The following CTNND2 variants were observed in gnomAD, a reference collection of about 807,000 sequenced individuals.
CTNND2 encodes the protein catenin delta-2.
In CTNND2, 22 loss-of-function variants were observed where a neutral mutation model predicts 144.4. That is an observed-to-expected ratio of 0.15 (90% CI 0.11 to 0.22). The LOEUF (loss-of-function observed/expected upper bound fraction) is 0.22, where lower values mean the gene tolerates loss of function less well. Ranked by LOEUF, CTNND2 falls within the 10% of genes least tolerant of loss-of-function variation. CTNND2 has a pLI of 1.00. For synonymous variants in CTNND2, 751 were observed against 695.6 expected, an observed-to-expected ratio of 1.08 and a Z score of -1.25; for missense variants, 1,353 against 1,618.8, an observed-to-expected ratio of 0.84 and a Z score of 2.82.
chr5:11,611,531 G>A (rs998563538), intron 2 of CTNND2, among the ~76,000 whole-genome samples: 5 of 152,018 alleles, frequency 3.3e-5, no homozygotes, highest in African/African-American at 9.7e-5. Context: ...TAATCCTAGC[G>A]CTTTAGGAGG....
At chr5:11,225,977 A>T (rs988741322) in intron 10 of CTNND2, among the ~76,000 whole-genome samples, 3 of 152,252 alleles carry the variant, frequency 2.0e-5, no homozygotes, top group African/African-American at 7.2e-5. Flanking sequence ...AGACAGAGGC[A>T]GAGATTAGAG....
intron 2 of CTNND2, among the ~76,000 whole-genome samples, chr5:11,569,078 T>A (rs1430156375): frequency 6.6e-6 from 1 of 152,102 alleles, no homozygotes; most frequent in African/African-American, 2.4e-5. Flanking sequence ...GGGTAAAGGA[T>A]CACTAGTATG....
chr5:11,682,687 A>C (rs1784469345), intron 2 of CTNND2, among the ~76,000 whole-genome samples: 1 of 152,186 alleles, frequency 6.6e-6, no homozygotes, highest in Non-Finnish European at 1.5e-5. Flanking sequence ...TCTTAATTGC[A>C]ATACAGAAAA....
At chr5:11,571,111 T>C (rs1350894270) in intron 2 of CTNND2, among the ~76,000 whole-genome samples, 4 of 152,234 alleles carry the variant, frequency 2.6e-5, no homozygotes, top group Admixed American at 2.6e-4. Flanking sequence ...GGATGTAAAA[T>C]CATCTCTCTT....
chr5:11,218,770 C>T (rs1170391617), intron 10 of CTNND2, among the ~76,000 whole-genome samples: 1 of 152,150 alleles, frequency 6.6e-6, no homozygotes, highest in Admixed American at 6.5e-5. Flanking sequence ...AGAGGTGTTG[C>T]GAGCCAGGAG....
chr5:11,619,057 A>G (rs11954195), intron 2 of CTNND2, among the ~76,000 whole-genome samples: 2,568 of 152,288 alleles, frequency 0.017, 87 homozygotes, highest in African/African-American at 0.059. Flanking sequence ...TTTGTGGTGT[A>G]TGACTTTTAT....
chr5:11,752,318 G>T (rs1449798005), intron 1 of CTNND2, among the ~76,000 whole-genome samples: 1 of 151,694 alleles, frequency 6.6e-6, no homozygotes, highest in Non-Finnish European at 1.5e-5. Flanking sequence ...TATCATCAGG[G>T]TTTTTATAGT....
intron 3 of CTNND2, among the ~76,000 whole-genome samples, chr5:11,470,394 T>C (rs548695263): frequency 7.2e-5 from 11 of 152,158 alleles, no homozygotes; most frequent in Non-Finnish European, 1.6e-4. Flanking sequence ...GATTGTGCCA[T>C]TGCACTCCAG....
intron 3 of CTNND2, among the ~76,000 whole-genome samples, chr5:11,471,694 T>G (rs1394494327): frequency 6.6e-6 from 1 of 152,208 alleles, no homozygotes; most frequent in Non-Finnish European, 1.5e-5. Context: ...AGTGGTCCAT[T>G]AAATATCATG....
chr5:11,010,532 A>G (rs1013587496), intron 18 of CTNND2, among the ~76,000 whole-genome samples: 6 of 152,214 alleles, frequency 3.9e-5, no homozygotes, highest in Non-Finnish European at 8.8e-5. Flanking sequence ...AAACATGAGA[A>G]CATGACTTCA....
chr5:11,197,205 T>C (rs1280129978), intron 11 of CTNND2, among the ~76,000 whole-genome samples: 1 of 152,238 alleles, frequency 6.6e-6, no homozygotes, highest in African/African-American at 2.4e-5. Context: ...TCAGAAACCA[T>C]GAAGTTCAGC....
intron 11 of CTNND2, among the ~76,000 whole-genome samples, chr5:11,191,140 C>T (rs1182535962): frequency 3.3e-5 from 5 of 152,194 alleles, no homozygotes; most frequent in African/African-American, 1.2e-4. Context: ...GCCTGCAGTG[C>T]ACACAGCAGA....
intron 2 of CTNND2, among the ~76,000 whole-genome samples, chr5:11,641,297 C>T (rs1251138000): frequency 1.3e-5 from 2 of 151,980 alleles, no homozygotes; most frequent in Non-Finnish European, 2.9e-5. Context: ...GCAATGTGAG[C>T]GTTCCATGAA....
In CTNND2 at chr5:11,757,181, A is replaced by T. The variant is rs201668266; in HGVS notation, c.38-24909T>A. On this transcript the variant is annotated intron_variant, in intron 1 of 21. Coordinates refer to ENST00000304623, the MANE Select transcript of CTNND2 (RefSeq NM_001332.4). ...TGCACATACACACAAATCGATATACACACATATACACACACACACACATAA... is the reference window on the plus strand; with the variant it reads ...TGCACATACACACAAATCGATATACTCACATATACACACACACACACATAA... Among the ~76,000 whole-genome samples the T allele has an allele frequency of 1.9e-4, 29 of 151,526 alleles. No homozygotes were observed. The East Asian group carries it at 5.6e-3, about 29-fold the overall frequency.
At chr5:11,016,575 G>T (rs116373783) in intron 18 of CTNND2, among the ~76,000 whole-genome samples, 3,452 of 152,288 alleles carry the variant, frequency 0.023, 60 homozygotes, top group East Asian at 0.081. Flanking sequence ...GGGGGCTATA[G>T]ATGGGGATGG....
chr5:11,193,725 G>A (rs192867146), intron 11 of CTNND2, among the ~76,000 whole-genome samples: 101 of 152,168 alleles, frequency 6.6e-4, no homozygotes, highest in African/African-American at 1.4e-3. Flanking sequence ...TGGGGAGAGG[G>A]GCTATGCCTC....
intron 3 of CTNND2, among the ~76,000 whole-genome samples, chr5:11,433,789 G>A (rs114120791): frequency 0.015 from 2,279 of 152,188 alleles, 69 homozygotes; most frequent in African/African-American, 0.052. Context: ...CTCCTGCATT[G>A]GGAATTGCAA....
At chr5:11,693,775 G>A (rs376894386) in intron 2 of CTNND2, among the ~76,000 whole-genome samples, 24 of 152,328 alleles carry the variant, frequency 1.6e-4, no homozygotes, top group African/African-American at 5.8e-4. Flanking sequence ...TTCTTGTTAT[G>A]TGTGATAGTT....
chr5:11,641,669 C>CGTGTGTATATACATATACGT lies in CTNND2; in HGVS notation c.175-76633_175-76614dup, dbSNP rs1268964593. On this transcript the variant is annotated intron_variant, in intron 2 of 21. Coordinates refer to ENST00000304623, the MANE Select transcript of CTNND2 (RefSeq NM_001332.4). ...ACATATACGTGTGTATATACATATACGTGTGTATATACATATACGTGTGTG... is the reference window on the plus strand; with the variant it reads ...ACATATACGTGTGTATATACATATACGTGTGTATATACATATACGTGTGTGTATATACATATACGTGTGTG... Among the ~76,000 whole-genome samples the CGTGTGTATATACATATACGT allele has an allele frequency of 5.4e-3, 661 of 122,356 alleles. 18 individuals carry two copies. Among genetic ancestry groups the CGTGTGTATATACATATACGT allele is most frequent in the Non-Finnish European group, 7.0e-3 (423 of 60,732 alleles). 80.3% of individuals were successfully genotyped at this position (122,356 alleles called of 152,430 possible).
Sources: gnomAD v4.1 joint callset for allele counts (sites outside exome capture counted in the v4.1 genomes callset) on GRCh38, gnomAD v4.1.1 for gene constraint, MANE v1.5 for transcripts, NCBI Gene and HGNC (gene_info 2026-07-23, HGNC 2026-07-21) for gene names.